The following FDPS variants were observed in gnomAD, a reference collection of about 807,000 sequenced individuals.
FDPS encodes farnesyl pyrophosphate synthase.
Under a neutral mutation model 49.5 loss-of-function variants are expected in FDPS, and 29 were observed. That is an observed-to-expected ratio of 0.59 (90% CI 0.44 to 0.80). FDPS has a LOEUF of 0.80. Among genes scored for constraint, FDPS ranks in the 30% least tolerant of loss-of-function variants. FDPS has a pLI of 0.00. For synonymous variants in FDPS, 172 were observed against 206.4 expected (o/e 0.83, Z 1.43); for missense variants, 414 against 525.6 (o/e 0.79, Z 2.08).
Position 155,309,894 on chromosome 1 carries a change from G to T in FDPS, c.105G>T (p.Leu35=), listed in dbSNP as rs771904341. 2.0e-5 allele frequency: 32 copies of T among 1,595,556 alleles called. No homozygotes were observed. The highest frequency in any genetic ancestry group is 1.8e-4 in the Middle Eastern group (1 of 5,610). ...RWLGSLRRPS[L]VHGYPVLAWH... ...TGGGTTCCCTACGGCGGCCCTCCCT[G>T]GTGCACGGGTACCCAGTCCTGGCCT... Residue 35 remains leucine, a synonymous_variant, in exon 2 of 11, where the codon CTG becomes CTT. Transcript: ENST00000368356.
rs748351433 is a variant in FDPS at position 155,312,385 on chromosome 1, G to T, written c.470G>T (p.Cys157Phe). ...CAGCGGGCCTGGACTGTGGGCTGGT[G>T]TGTGGAACTGGTGAGAGGGGTAGGG... ...SLQRAWTVGW[C>F]VELLQAFFLV... Residue 157 changes from cysteine (C) to phenylalanine (F), a missense_variant, in exon 4 of 11, where the codon TGT becomes TTT. Transcript: ENST00000368356. 3.1e-6 allele frequency: 5 copies of T among 1,613,804 alleles called. No homozygotes were observed. The highest frequency in any genetic ancestry group is 4.2e-6 in the Non-Finnish European group (5 of 1,179,810).
chr1:155,318,417 G>A lies in FDPS; in HGVS notation c.684+126G>A. 1 of 1,308,354 alleles carries A rather than the reference G, an allele frequency of 7.6e-7. No individual in the cohort carries two copies. The allele number at this position is 1,308,354 out of a possible 1,614,324, so 81.0% of individuals were successfully genotyped here. A position where few individuals can be genotyped will look rare whatever the true frequency, so the allele number is the denominator to read the frequency against. ...CGTGCCTGGAAGGGAAAGAAAGCGAGGAAGGGTGTTGGGAAGTGGGGTTGT... is the reference window on the plus strand; with the variant it reads ...CGTGCCTGGAAGGGAAAGAAAGCGAAGAAGGGTGTTGGGAAGTGGGGTTGT... On this transcript the variant is annotated intron_variant, in intron 6 of 10. Coordinates refer to ENST00000368356, the MANE Select transcript of FDPS (RefSeq NM_002004.4). The surrounding 1 kb of genome is among the most constrained non-coding windows in gnomAD (Gnocchi z 4.2).
Position 155,312,253 on chromosome 1 carries a change from A to G in FDPS, c.340-2A>G, listed in dbSNP as rs773490730. 6.2e-7 allele frequency: 1 copy of G among 1,613,770 alleles called. No individual in the cohort carries two copies. Among genetic ancestry groups the G allele is most frequent in the Non-Finnish European group, 8.5e-7 (1 of 1,179,966 alleles). On this transcript the variant is annotated splice_acceptor_variant, in intron 3 of 10. Transcript: ENST00000368356. LOFTEE classifies it high-confidence loss of function. ...CCCTGTACCTCTTTCCTTGCCCTCCAGGTCCTGGAGTACAATGCCATTGGA... is the reference window on the plus strand; with the variant it reads ...CCCTGTACCTCTTTCCTTGCCCTCCGGGTCCTGGAGTACAATGCCATTGGA...
chr1:155,309,526 C>G (rs1028199682), intron 1 of FDPS: 25 of 386,448 alleles, frequency 6.5e-5, no homozygotes, highest in South Asian at 1.7e-4. Context: ...CCTTACCCAG[C>G]CTTGTGCACG....
chr1:155,314,935 G>A (rs1649164665), intron 4 of FDPS, among the ~76,000 whole-genome samples: 1 of 152,122 alleles, frequency 6.6e-6, no homozygotes, highest in Non-Finnish European at 1.5e-5. Context: ...GATTGTCCTT[G>A]CAGTCACCCT....
chr1:155,313,530 T>TGGGTGGAGC (rs1649014045), intron 4 of FDPS, among the ~76,000 whole-genome samples: 1 of 152,114 alleles, frequency 6.6e-6, no homozygotes, highest in African/African-American at 2.4e-5. Context: ...GTTCTTGGTA[T>TGGGTGGAGC]GGGTGGAGCA....
At chr1:155,314,007 C>T (rs924010770) in intron 4 of FDPS, among the ~76,000 whole-genome samples, 10 of 151,748 alleles carry the variant, frequency 6.6e-5, no homozygotes, top group East Asian at 1.9e-4. Flanking sequence ...TTAGTAGAGA[C>T]GGGGTTTCAC....
At position 155,318,935 on chromosome 1, in the gene FDPS, G is replaced by A. The variant is rs1649840363; in HGVS notation, c.846+7G>A. 1.9e-6 allele frequency: 3 copies of A among 1,598,958 alleles called. No homozygotes were observed. The highest frequency in any genetic ancestry group is 1.7e-5 in the Admixed American group (1 of 59,984). On this transcript the variant is annotated splice_region_variant and intron_variant, in intron 8 of 10. Coordinates refer to ENST00000368356, the MANE Select transcript of FDPS (RefSeq NM_002004.4). This position sits in a 1 kb window ranked among gnomAD's most constrained non-coding sequence, Gnocchi z 4.2. ...AGCTGCAGCCATGTACATGGTGAGT[G>A]AGCCTCCTCACCCCTCTCTGCTCTG...
intron 4 of FDPS, among the ~76,000 whole-genome samples, chr1:155,315,476 G>A (rs1453236967): frequency 6.6e-6 from 1 of 152,030 alleles, no homozygotes; most frequent in Non-Finnish European, 1.5e-5. Context: ...TCAGGAGATC[G>A]AGACCATCCT....
chr1:155,317,646 A>G, intron 4 of FDPS: 1 of 238,036 alleles, frequency 4.2e-6, no homozygotes, highest in Non-Finnish European at 8.3e-6. Flanking sequence ...AACCAGCCTG[A>G]GCAACATAGT....
At position 155,308,921 on chromosome 1, in the gene FDPS, C is replaced by T. The variant is rs1395563504; in HGVS notation, c.-46C>T. On this transcript the variant is annotated 5_prime_UTR_variant, in exon 1 of 11. Coordinates refer to ENST00000368356, the MANE Select transcript of FDPS (RefSeq NM_002004.4). ...GGAGCGGATTCTGCTTTTAGGAGTA[C>T]CCGCCAACAAGCGGGACCGAGCAGG... 6.0e-6 allele frequency: 1 copy of T among 165,796 alleles called. No individual in the cohort carries two copies. The highest frequency in any genetic ancestry group is 1.9e-4 in the East Asian group (1 of 5,380). 10.3% of individuals were successfully genotyped at this position (165,796 alleles called of 1,614,324 possible). A position where few individuals can be genotyped will look rare whatever the true frequency, so the allele number is the denominator to read the frequency against.
At chr1:155,316,282 A>C (rs1355855940) in intron 4 of FDPS, among the ~76,000 whole-genome samples, 1 of 152,168 alleles carries the variant, frequency 6.6e-6, no homozygotes, top group Non-Finnish European at 1.5e-5. Context: ...GTATGTATCT[A>C]GAAGTGGAAA....
At chr1:155,309,319 A>G (rs893723294) in intron 1 of FDPS, 8 of 152,792 alleles carry the variant, frequency 5.2e-5, no homozygotes, top group East Asian at 1.9e-4. Flanking sequence ...TCTCGCTCCA[A>G]TGCTTCTTTC....
In FDPS at chr1:155,318,715, C is replaced by G. The variant is rs748925909; in HGVS notation, c.735C>G (p.Pro245=). Reference sequence around the variant, plus strand: ...AGACCCTGGACCTCCTCACAGCCCCCCAGGGCAATGTGGATCTTGTCAGAT... The same window carrying G: ...AGACCCTGGACCTCCTCACAGCCCCGCAGGGCAATGTGGATCTTGTCAGAT... ...IGQTLDLLTA[P]QGNVDLVRFT... The change falls in exon 7 of 11, where the codon CCC becomes CCG. Residue 245 remains proline, a synonymous_variant. Transcript: ENST00000368356. This position sits in a 1 kb window ranked among gnomAD's most constrained non-coding sequence, Gnocchi z 4.2. The G allele has an allele frequency of 1.2e-6, 2 of 1,613,762 alleles. No homozygotes were observed. Among genetic ancestry groups the G allele is most frequent in the South Asian group, 2.2e-5 (2 of 91,064 alleles).
chr1:155,320,444 C>T lies in FDPS; in HGVS notation c.1095C>T (p.Ala365=). 3 of 1,613,642 alleles carry T rather than the reference C, an allele frequency of 1.9e-6. No homozygotes were observed. The highest frequency in any genetic ancestry group is 2.5e-6 in the Non-Finnish European group (3 of 1,180,006). Residue 365 remains alanine, a synonymous_variant, in exon 11 of 11, where the codon GCC becomes GCT. Coordinates refer to ENST00000368356, the MANE Select transcript of FDPS (RefSeq NM_002004.4). The part of the protein sequence containing the change: ...NYGQKEAEKV[A]RVKALYEELD... ...GGCAGAAGGAGGCTGAGAAAGTGGC[C>T]CGGGTGAAGGCGCTATATGAGGAGC...
intron 4 of FDPS, among the ~76,000 whole-genome samples, chr1:155,313,680 G>A (rs747600633): frequency 2.0e-4 from 30 of 152,142 alleles, no homozygotes; most frequent in Admixed American, 9.8e-4. Flanking sequence ...TGACAGGGAT[G>A]CTGAGGGGCT....
intron 3 of FDPS, among the ~76,000 whole-genome samples, chr1:155,311,542 G>A (rs767636992): frequency 6.6e-6 from 1 of 152,182 alleles, no homozygotes; most frequent in Non-Finnish European, 1.5e-5. Context: ...GTAGGCAGAG[G>A]TGGCTGGAAA....
intron 4 of FDPS, among the ~76,000 whole-genome samples, chr1:155,314,514 G>T (rs1649117264): frequency 6.6e-6 from 1 of 151,530 alleles, no homozygotes; most frequent in Admixed American, 6.6e-5. Context: ...TCATTCTGTT[G>T]CCCAGGCTTG....
rs937894783 is a variant in FDPS at position 155,309,855 on chromosome 1, C to T, written c.66C>T (p.Pro22=). 2 of 1,587,746 alleles carry T rather than the reference C, an allele frequency of 1.3e-6. No homozygotes were observed. The highest frequency in any genetic ancestry group is 8.6e-7 in the Non-Finnish European group (1 of 1,165,914). ...TGCTGCCAGCCCCCTACTGGGCACC[C>T]CGGGAGAGGTGGCTGGGTTCCCTAC... ...VFLLPAPYWA[P]RERWLGSLRR... The change falls in exon 2 of 11, where the codon CCC becomes CCT. Residue 22 remains proline, a synonymous_variant. Coordinates refer to ENST00000368356, the MANE Select transcript of FDPS (RefSeq NM_002004.4).
Sources: allele counts gnomAD v4.1 joint callset (sites outside exome capture counted in the v4.1 genomes callset), GRCh38; gene constraint gnomAD v4.1.1; non-coding constraint Gnocchi (gnomAD v3.1); transcripts MANE v1.5; gene names NCBI Gene and HGNC (gene_info 2026-07-23, HGNC 2026-07-21).